Variants in GRK1 observed in about 807,000 individuals in gnomAD.
The protein encoded by GRK1 is rhodopsin kinase GRK1.
A neutral mutation model predicts 41.7 loss-of-function variants in GRK1; 28 were observed. The observed-to-expected ratio is 0.67, with a 90% CI of 0.50 to 0.92. GRK1 has a LOEUF of 0.92. Among genes scored for constraint, GRK1 ranks in the 40% least tolerant of loss-of-function variants. GRK1 has a pLI of 0.00. For synonymous variants in GRK1, 327 were observed against 286.7 expected (o/e 1.14, Z -1.42); for missense variants, 703 against 671.2 (o/e 1.05, Z -0.52).
intron 6 of GRK1, 42 bp downstream of exon 6, chr13:113,733,127 T>G (rs531247598): frequency 6.6e-7 from 1 of 1,509,844 alleles, no homozygotes; most frequent in African/African-American, 1.4e-5. Context: ...TGGGGTTCTG[T>G]GCTGTGTGGC....
chr13:113,732,068 GA>G (rs1323123760), intron 5 of GRK1, among the ~76,000 whole-genome samples: 1 of 152,206 alleles, frequency 6.6e-6, no homozygotes, highest in Non-Finnish European at 1.5e-5. Flanking sequence ...GACAAGTGGA[GA>G]AAAGCTGGCT....
chr13:113,724,705 A>C (rs1011571370), intron 4 of GRK1, among the ~76,000 whole-genome samples: 2 of 152,160 alleles, frequency 1.3e-5, no homozygotes, highest in African/African-American at 4.8e-5. Flanking sequence ...ACTTTCTGGA[A>C]GGCAGCTCAT....
the GRK1 span, chr13:113,657,973 A>G: frequency 1.4e-6 from 2 of 1,381,478 alleles, no homozygotes; most frequent in South Asian, 1.3e-5. Flanking sequence ...GCTCACCTGG[A>G]GGCTGCGTCC....
intron 2 of GRK1, among the ~76,000 whole-genome samples, chr13:113,670,267 C>T (rs1229134793): frequency 2.0e-5 from 3 of 152,034 alleles, no homozygotes; most frequent in African/African-American, 4.8e-5. Context: ...GAGGAGGTGG[C>T]GCTGCCTCCA....
At chr13:113,724,507 C>CG (rs1266870972) in intron 4 of GRK1, among the ~76,000 whole-genome samples, 1 of 151,932 alleles carries the variant, frequency 6.6e-6, no homozygotes, top group African/African-American at 2.4e-5. Context: ...GCCGTGGCCA[C>CG]GGGGGGGACA....
chr13:113,723,286 G>T (rs149404875), intron 4 of GRK1, 129 bp downstream of exon 4: 7 of 514,682 alleles, frequency 1.4e-5, no homozygotes, highest in African/African-American at 5.8e-5. Context: ...GCACATGGGC[G>T]TCTGTGTGGT....
At chr13:113,734,037 T>C (rs1235212174) in intron 6 of GRK1, among the ~76,000 whole-genome samples, 13 of 98,304 alleles carry the variant, frequency 1.3e-4, no homozygotes, top group African/African-American at 3.9e-4. Context: ...CGTGTGCGTA[T>C]GTGTGTGTGC....
At chr13:113,666,758 G>A (rs1165982075), upstream of GRK1, among the ~76,000 whole-genome samples, 1 of 152,160 alleles carries the variant, frequency 6.6e-6, no homozygotes, top group Non-Finnish European at 1.5e-5. Flanking sequence ...AGACCCCCAG[G>A]AAGCTGGTCA....
chr13:113,665,110 C>T (rs1048198388), upstream of GRK1, among the ~76,000 whole-genome samples: 3 of 152,166 alleles, frequency 2.0e-5, no homozygotes, highest in East Asian at 3.8e-4. Context: ...TCTTCTCCCA[C>T]GTGGAATGGG....
chr13:113,657,634 G>A, the GRK1 span, among the ~76,000 whole-genome samples: 36 of 152,362 alleles, frequency 2.4e-4, no homozygotes, highest in South Asian at 2.3e-3. Flanking sequence ...GCCGCGTCTC[G>A]GCAGAGCCCC....
At chr13:113,728,533 G>A (rs769933495) in intron 4 of GRK1, among the ~76,000 whole-genome samples, 10 of 152,116 alleles carry the variant, frequency 6.6e-5, no homozygotes, top group African/African-American at 1.4e-4. Flanking sequence ...AGCTCATGGC[G>A]TATAGTGGAC....
At chr13:113,724,572 C>G (rs911767699) in intron 4 of GRK1, among the ~76,000 whole-genome samples, 1 of 152,198 alleles carries the variant, frequency 6.6e-6, no homozygotes, top group African/African-American at 2.4e-5. Context: ...GGGCTAAGGA[C>G]TGTTTCCCCA....
chr13:113,723,339 G>C (rs974457116), intron 4 of GRK1, among the ~76,000 whole-genome samples, 182 bp downstream of exon 4: 9 of 152,004 alleles, frequency 5.9e-5, no homozygotes, highest in African/African-American at 2.2e-4. Context: ...CCTGATATCT[G>C]AGGCAGGTAC....
At chr13:113,653,169 A>G in the GRK1 span, 1 of 1,465,534 alleles carries the variant, frequency 6.8e-7, no homozygotes, top group Non-Finnish European at 9.3e-7. Flanking sequence ...CGAGTTTCTC[A>G]TGAAATAGAA....
Position 113,731,435 on chromosome 13 carries a change from A to G in GRK1, c.1194+92A>G. 2.0e-6 allele frequency: 3 copies of G among 1,493,874 alleles called. No homozygotes were observed. The highest frequency in any genetic ancestry group is 2.7e-6 in the Non-Finnish European group (3 of 1,119,326). 92.5% of individuals were successfully genotyped at this position (1,493,874 alleles called of 1,614,324 possible). On this transcript the variant is annotated intron_variant, in intron 5 of 6. Coordinates refer to ENST00000335678, the MANE Select transcript of GRK1 (RefSeq NM_002929.3). This position sits in a 1 kb window ranked among gnomAD's most constrained non-coding sequence, Gnocchi z 5.6. ...AGTGATGGGATCGTTACTGGGGCAG[A>G]CCTGGGAGTTGTTCTGTGGGCCCTG...
At chr13:113,726,761 C>T (rs570795808) in intron 4 of GRK1, among the ~76,000 whole-genome samples, 1 of 152,284 alleles carries the variant, frequency 6.6e-6, no homozygotes, top group South Asian at 2.1e-4. Context: ...CTGGGTGGGT[C>T]TAGAGGCTGT....
the GRK1 span, chr13:113,652,897 T>TGAAG: frequency 6.2e-7 from 1 of 1,614,188 alleles, no homozygotes; most frequent in Non-Finnish European, 8.5e-7. Flanking sequence ...TAATAAAACA[T>TGAAG]GGCTTTCCTT....
chr13:113,725,114 G>T (rs564073087), intron 4 of GRK1, among the ~76,000 whole-genome samples: 263 of 152,368 alleles, frequency 1.7e-3, no homozygotes, highest in African/African-American at 5.9e-3. Context: ...CAGGCTGGGA[G>T]GCCGGTGTCA....
the GRK1 span, chr13:113,652,753 A>C: frequency 8.8e-7 from 1 of 1,142,408 alleles, no homozygotes; most frequent in Non-Finnish European, 1.3e-6. Flanking sequence ...GTGAGGCTGG[A>C]GTCCCTGTCC....
Sources: allele counts gnomAD v4.1 joint callset (sites outside exome capture counted in the v4.1 genomes callset), GRCh38; gene constraint gnomAD v4.1.1; non-coding constraint Gnocchi (gnomAD v3.1); transcripts MANE v1.5; gene names NCBI Gene and HGNC (gene_info 2026-07-23, HGNC 2026-07-21).